The following ARHGAP26 variants were observed in gnomAD, a reference collection of about 807,000 sequenced individuals.
The protein encoded by ARHGAP26 is rho GTPase-activating protein 26.
A neutral mutation model predicts 104.8 loss-of-function variants in ARHGAP26; 38 were observed. The ratio of observed to expected loss-of-function variants is 0.36; its 90% CI spans 0.28 to 0.48. The LOEUF (loss-of-function observed/expected upper bound fraction) is 0.48, where lower values mean the gene tolerates loss of function less well. Among genes scored for constraint, ARHGAP26 ranks in the 20% least tolerant of loss-of-function variants. ARHGAP26 has a pLI of 0.99. For synonymous variants in ARHGAP26, 341 were observed against 340.0 expected, an observed-to-expected ratio of 1.00 and a Z score of -0.03; for missense variants, 704 against 947.9, an observed-to-expected ratio of 0.74 and a Z score of 3.38.
At chr5:142,813,539 A>G (rs1764532450) in intron 1 of ARHGAP26, among the ~76,000 whole-genome samples, 1 of 152,208 alleles carries the variant, frequency 6.6e-6, no homozygotes, top group Non-Finnish European at 1.5e-5. Flanking sequence ...GGCAGTTTCA[A>G]TAACAAAACT....
chr5:142,807,887 T>C (rs1351005910), intron 1 of ARHGAP26, among the ~76,000 whole-genome samples: 1 of 152,156 alleles, frequency 6.6e-6, no homozygotes, highest in African/African-American at 2.4e-5. Flanking sequence ...CTTAGAAAGA[T>C]GGGTTGAAAA....
At chr5:143,203,100 T>G (rs896404315) in intron 20 of ARHGAP26, 23 of 152,168 alleles carry the variant, frequency 1.5e-4, no homozygotes, top group African/African-American at 5.3e-4. Flanking sequence ...CTAAAAAGCT[T>G]CTGCACAGCA....
At chr5:142,929,920 G>T (rs1764467308) in intron 10 of ARHGAP26, among the ~76,000 whole-genome samples, 1 of 152,180 alleles carries the variant, frequency 6.6e-6, no homozygotes, top group Non-Finnish European at 1.5e-5. Context: ...CTAGGGCAGG[G>T]GGAACAGGAA....
In ARHGAP26 at chr5:142,971,392, A is replaced by G. The variant is rs559551742; in HGVS notation, c.1107+39267A>G. Among the ~76,000 whole-genome samples the G allele has an allele frequency of 2.2e-4, 33 of 152,344 alleles. No individual in the cohort carries two copies. In the South Asian group the frequency reaches 6.8e-3, roughly 32 times the overall value. On this transcript the variant is annotated intron_variant, in intron 11 of 22. Coordinates refer to ENST00000645722, the MANE Select transcript of ARHGAP26 (RefSeq NM_001135608.3). ...AGGTGCCTAGAACTTGACAGTAGCC[A>G]TTAGGAGACTGCTACCCGGTTTCTG...
At chr5:142,811,141 C>G (rs377532930) in intron 1 of ARHGAP26, among the ~76,000 whole-genome samples, 97 of 152,280 alleles carry the variant, frequency 6.4e-4, no homozygotes, top group African/African-American at 2.1e-3. Context: ...AAAAATAGAC[C>G]TACCTCCTGG....
At chr5:142,978,302 T>C (rs1773426252) in intron 11 of ARHGAP26, among the ~76,000 whole-genome samples, 1 of 152,192 alleles carries the variant, frequency 6.6e-6, no homozygotes, top group African/African-American at 2.4e-5. Context: ...TTCGACTCTC[T>C]TTCTCTTGGG....
chr5:143,225,230 C>G lies in ARHGAP26; in HGVS notation c.*2784C>G, dbSNP rs1811560586. 5.3e-6 allele frequency: 1 copy of G among 188,980 alleles called. No homozygotes were observed. Among genetic ancestry groups the G allele is most frequent in the East Asian group, 8.4e-5 (1 of 11,836 alleles). 11.7% of individuals were successfully genotyped at this position (188,980 alleles called of 1,614,324 possible). ...TGAGATGGAGTCTCACTCTGTGGCC[C>G]AGGCTGGAGTGCAGTGGCGCAATCT... On this transcript the variant is annotated 3_prime_UTR_variant, in exon 23 of 23. Transcript: ENST00000645722.
chr5:143,099,110 G>A (rs1792851205), intron 17 of ARHGAP26, among the ~76,000 whole-genome samples: 1 of 152,164 alleles, frequency 6.6e-6, no homozygotes, highest in Non-Finnish European at 1.5e-5. Flanking sequence ...TTTTCTGCTG[G>A]ACAGAAGTTA....
chr5:143,065,702 G>C (rs1787376794), intron 17 of ARHGAP26, among the ~76,000 whole-genome samples: 2 of 152,154 alleles, frequency 1.3e-5, no homozygotes, highest in African/African-American at 4.8e-5. Flanking sequence ...GGGCTCCGCT[G>C]CCCTTCCTGC....
intron 17 of ARHGAP26, among the ~76,000 whole-genome samples, chr5:143,092,096 T>C (rs1562405958): frequency 1.3e-5 from 2 of 152,098 alleles, no homozygotes; most frequent in Non-Finnish European, 2.9e-5. Flanking sequence ...CTTTTTTTCA[T>C]GACTTTTACA....
intron 20 of ARHGAP26, chr5:143,170,488 T>A (rs1802619675): frequency 6.6e-6 from 1 of 152,216 alleles, no homozygotes; most frequent in African/African-American, 2.4e-5. Context: ...AGTTTGATCT[T>A]CCAGTGCCTG....
chr5:142,826,277 C>T (rs1376312989), intron 1 of ARHGAP26, among the ~76,000 whole-genome samples: 1 of 152,144 alleles, frequency 6.6e-6, no homozygotes, highest in African/African-American at 2.4e-5. Flanking sequence ...GGAGATTGTC[C>T]ATACACTTGT....
chr5:143,033,748 C>T (rs990848641), intron 12 of ARHGAP26, among the ~76,000 whole-genome samples: 10 of 152,262 alleles, frequency 6.6e-5, no homozygotes, highest in Middle Eastern at 3.4e-3. Context: ...CTGCAGCTCC[C>T]CGTAGCACTG....
At chr5:143,068,407 A>G (rs1206663996) in intron 17 of ARHGAP26, among the ~76,000 whole-genome samples, 1 of 151,870 alleles carries the variant, frequency 6.6e-6, no homozygotes, top group Non-Finnish European at 1.5e-5. Flanking sequence ...GCAAGCTACC[A>G]CCACAATATC....
At chr5:142,918,976 G>A (rs28523610) in intron 10 of ARHGAP26, among the ~76,000 whole-genome samples, 18,127 of 152,118 alleles carry the variant, frequency 0.12, 2,088 homozygotes, top group African/African-American at 0.29. Flanking sequence ...AATGTAACTT[G>A]TAGTAGTTGT....
At chr5:143,014,185 A>G (rs375452520) in intron 12 of ARHGAP26, 69 bp downstream of exon 12, 146 of 1,553,928 alleles carry the variant, frequency 9.4e-5, no homozygotes, top group Non-Finnish European at 1.2e-4. Flanking sequence ...TTGCTACTCC[A>G]GGTGTGAACC....
intron 11 of ARHGAP26, among the ~76,000 whole-genome samples, chr5:143,003,532 A>G (rs746649579): frequency 1.5e-4 from 23 of 152,230 alleles, no homozygotes; most frequent in Non-Finnish European, 3.2e-4. Context: ...TGCCCCATAG[A>G]AATGTAAAAT....
chr5:142,936,823 GA>G (rs202061609), intron 11 of ARHGAP26, among the ~76,000 whole-genome samples: 4,080 of 126,770 alleles, frequency 0.032, 106 homozygotes, highest in African/African-American at 0.073. Context: ...ACATCCATAG[GA>G]AAAAAAAAAA....
chr5:143,183,388 G>A (rs184986583), intron 20 of ARHGAP26, among the ~76,000 whole-genome samples: 2 of 152,254 alleles, frequency 1.3e-5, no homozygotes, highest in Admixed American at 1.3e-4. Flanking sequence ...TGAGAGCCGT[G>A]TGCTCCGTGA....
Sources: gnomAD v4.1 joint callset for allele counts (sites outside exome capture counted in the v4.1 genomes callset) on GRCh38, gnomAD v4.1.1 for gene constraint, MANE v1.5 for transcripts, NCBI Gene and HGNC (gene_info 2026-07-23, HGNC 2026-07-21) for gene names.